CSHL1: variants seen among roughly 807,000 people sequenced by gnomAD.
CSHL1 encodes chorionic somatomammotropin hormone-like 1.
In CSHL1, 25 loss-of-function variants were observed where a neutral mutation model predicts 24.3. The observed-to-expected ratio is 1.03, with a 90% CI of 0.75 to 1.44. CSHL1 has a LOEUF of 1.44. Among genes scored for constraint, CSHL1 ranks in the 40% most tolerant of loss-of-function variants. The pLI is 0.00. For synonymous variants in CSHL1, 157 were observed against 115.6 expected (o/e 1.36, Z -2.30); for missense variants, 342 against 279.3 (o/e 1.22, Z -1.60).
intron 2 of CSHL1, 84 bp from the exon 3 acceptor site, chr17:63,910,619 C>T (rs780254610): frequency 6.2e-7 from 1 of 1,614,138 alleles, no homozygotes; most frequent in Non-Finnish European, 8.5e-7. Context: ...CTTCTGGGAA[C>T]CTGGCTCAGC....
rs112343242 is a variant in CSHL1 at position 63,910,429 on chromosome 17, C to T, written c.297G>A (p.Gln99=). The T allele has an allele frequency of 2.9e-4, 461 of 1,614,198 alleles. 2 individuals carry two copies. In the African/African-American group the frequency reaches 5.0e-3, roughly 18 times the overall value. ...IPTSSNMEET[Q]QKSNLELLHI... is the part of the protein sequence containing the mutation. The stretch of plus-strand genomic sequence containing the variant: ...GACAGCATCCACTCACGGATTTCTG[C>T]TGCGTTTCCTCCATGTTGGAGGATG... Residue 99 remains glutamine, a synonymous_variant, in exon 3 of 5, where the codon CAG becomes CAA. Transcript: ENST00000309894.
At chr17:63,910,984 G>A (rs1298960204) in intron 1 of CSHL1, 60 bp from the exon 2 acceptor site, 1 of 1,611,912 alleles carries the variant, frequency 6.2e-7, no homozygotes, top group African/African-American at 1.3e-5. Flanking sequence ...CACTCTCCCT[G>A]TTCCAGGAGC....
intron 4 of CSHL1, 65 bp downstream of exon 4, chr17:63,910,097 T>A: frequency 6.2e-7 from 1 of 1,614,116 alleles, no homozygotes; most frequent in South Asian, 1.1e-5. Flanking sequence ...GCAGCAGTGT[T>A]TCTCTCCCCC....
In CSHL1 at chr17:63,909,861, G is replaced by A. The variant is rs1349070743; in HGVS notation, c.519C>T (p.Thr173=). 1 of 1,613,984 alleles carries A rather than the reference G, an allele frequency of 6.2e-7. No individual in the cohort carries two copies. Among genetic ancestry groups the A allele is most frequent in the South Asian group, 1.1e-5 (1 of 91,074 alleles). ...GCGAGTTTGTGTCAAACTTGCTGTA[G>A]GTCTGCTTGAGGGTCTGCCCAGTCA... ...SHLTGQTLKQ[T]YSKFDTNSHN... The change falls in exon 5 of 5, where the codon ACC becomes ACT. Residue 173 remains threonine (T), a synonymous_variant. Transcript: ENST00000309894.
At position 63,910,282 on chromosome 17, in the gene CSHL1, C is replaced by T. The variant is rs1363946927; in HGVS notation, c.351G>A (p.Arg117=). 4 of 1,613,986 alleles carry T rather than the reference C, an allele frequency of 2.5e-6. No individual in the cohort carries two copies. The highest frequency in any genetic ancestry group is 1.3e-5 in the African/African-American group (1 of 74,904). ...LHISLLLIES[R]LEPVRFLRST... ...TCCTGAGGAACCGCACGGGCTCCAG[C>T]CGCGACTCGATGAGCAGCAGGGAGA... is the stretch of plus-strand genomic sequence containing the variant. Residue 117 remains arginine (R), a synonymous_variant, in exon 4 of 5, where the codon CGG becomes CGA. Coordinates refer to ENST00000309894, the MANE Select transcript of CSHL1 (RefSeq NM_022579.3).
Position 63,911,201 on chromosome 17 carries a change from G to A in CSHL1, c.-5C>T, listed in dbSNP as rs145058675. On this transcript the variant is annotated 5_prime_UTR_variant, in exon 1 of 5. Transcript: ENST00000309894. The stretch of plus-strand genomic sequence containing the variant: ...GGGGCGCTTACCTGCAGCCATTGCC[G>A]CTAGGTGAGCTGTCCACAGGACCCT... The A allele has an allele frequency of 1.9e-3, 3,113 of 1,613,502 alleles. 55 individuals are homozygous for A. In the African/African-American group the frequency reaches 0.035, roughly 18 times the overall value.
chr17:63,910,287 A>G lies in CSHL1; in HGVS notation c.346T>C (p.Ser116Pro). Reference sequence around the variant, plus strand: ...AGGAACCGCACGGGCTCCAGCCGCGACTCGATGAGCAGCAGGGAGATGTGG... The same window carrying G: ...AGGAACCGCACGGGCTCCAGCCGCGGCTCGATGAGCAGCAGGGAGATGTGG... ...LLHISLLLIE[S>P]RLEPVRFLRS... Residue 116 changes from serine to proline, a missense_variant, in exon 4 of 5, where the codon TCG becomes CCG. Coordinates refer to ENST00000309894, the MANE Select transcript of CSHL1 (RefSeq NM_022579.3). The G allele has an allele frequency of 6.2e-7, 1 of 1,613,980 alleles. No homozygotes were observed. The highest frequency in any genetic ancestry group is 1.1e-5 in the South Asian group (1 of 91,066).
rs756150980 is a variant in CSHL1, at chr17:63,910,219, G to A, written c.414C>T (p.Asp138=). Residue 138 remains aspartate, a synonymous_variant, in exon 4 of 5, where the codon GAC becomes GAT. Coordinates refer to ENST00000309894, the MANE Select transcript of CSHL1 (RefSeq NM_022579.3). ...CCTTTAGGAGGTGATAGTCATCGCT[G>A]TCCGAGGTGTCATACACCAGGTTGT... is the stretch of plus-strand genomic sequence containing the variant. The part of the protein sequence containing the change: ...FTNNLVYDTS[D]SDDYHLLKDL... 2 of 1,614,070 alleles carry A rather than the reference G, an allele frequency of 1.2e-6. No homozygotes were observed. Among genetic ancestry groups the A allele is most frequent in the Non-Finnish European group, 1.7e-6 (2 of 1,180,024 alleles).
In CSHL1 at chr17:63,909,818, G is replaced by A. The variant is rs369769197; in HGVS notation, c.562C>T (p.Leu188Phe). ...CAGTGGAGCAGCCCGTAGTTCTTGA[G>A]CAGTGCGTCATGGTTGTGCGAGTTT... ...DTNSHNHDAL[L>F]KNYGLLHCFR... Residue 188 changes from leucine to phenylalanine, a missense_variant, in exon 5 of 5, where the codon CTC becomes TTC. Leu to Phe is a conservative substitution (Grantham distance 22). Coordinates refer to ENST00000309894, the MANE Select transcript of CSHL1 (RefSeq NM_022579.3). The A allele has an allele frequency of 1.9e-6, 3 of 1,614,002 alleles. No homozygotes were observed. Among genetic ancestry groups the A allele is most frequent in the East Asian group, 2.2e-5 (1 of 44,880 alleles).
chr17:63,910,146 C>G lies in CSHL1; in HGVS notation c.471+16G>C, dbSNP rs781099532. The G allele has an allele frequency of 6.8e-6, 11 of 1,614,090 alleles. No homozygotes were observed. The Admixed American group carries it at 1.5e-4, about 22-fold the overall frequency. On this transcript the variant is annotated intron_variant, in intron 4 of 4. Transcript: ENST00000309894. ...AGTGGGCTTCCAGGATTGGGGACCC[C>G]TGGTGCCACCCTCACCCCCATCAGC...
Position 63,910,246 on chromosome 17 carries a change from G to A in CSHL1, c.387C>T (p.Thr129=). Reference sequence around the variant, plus strand: ...CCGAGGTGTCATACACCAGGTTGTTGGTGAAGGTACTCCTGAGGAACCGCA... The same window carrying A: ...CCGAGGTGTCATACACCAGGTTGTTAGTGAAGGTACTCCTGAGGAACCGCA... The part of the protein sequence containing the change: ...EPVRFLRSTF[T]NNLVYDTSDS... The change falls in exon 4 of 5, where the codon ACC becomes ACT. Residue 129 remains threonine (T), a synonymous_variant. Transcript: ENST00000309894. 1.2e-6 allele frequency: 2 copies of A among 1,614,110 alleles called. No homozygotes were observed. The highest frequency in any genetic ancestry group is 1.7e-6 in the Non-Finnish European group (2 of 1,180,000).
At chr17:63,911,061 G>T (rs1598389801) in intron 1 of CSHL1, 126 bp downstream of exon 1, 2 of 1,610,958 alleles carry the variant, frequency 1.2e-6, no homozygotes, top group South Asian at 2.2e-5. Flanking sequence ...CCAAATATCT[G>T]GCCTTAGATG....
At chr17:63,911,067 A>C (rs1906975370) in intron 1 of CSHL1, 120 bp downstream of exon 1, 8 of 1,611,278 alleles carry the variant, frequency 5.0e-6, no homozygotes, top group Non-Finnish European at 6.8e-6. Flanking sequence ...ATCTGGCCTT[A>C]GATGGCGATA....
In CSHL1 at chr17:63,910,842, G is replaced by A; in HGVS notation, c.93C>T (p.Pro31=). ...TAGCCTCTTTAAAAAGCCTGGATAAGGGAACGGTTTGGACGGCACCAGCCT... is the reference window on the plus strand; with the variant it reads ...TAGCCTCTTTAAAAAGCCTGGATAAAGGAACGGTTTGGACGGCACCAGCCT... The part of the protein sequence containing the change: ...LQEAGAVQTV[P]LSRLFKEAML... Residue 31 remains proline (P), a synonymous_variant, in exon 2 of 5, where the codon CCC becomes CCT. Transcript: ENST00000309894. 2 of 1,614,206 alleles carry A rather than the reference G, an allele frequency of 1.2e-6. No homozygotes were observed. Among genetic ancestry groups the A allele is most frequent in the Non-Finnish European group, 1.7e-6 (2 of 1,180,030 alleles).
Position 63,909,658 on chromosome 17 carries a change from C to G in CSHL1, c.*53G>C. The G allele has an allele frequency of 6.2e-7, 1 of 1,613,652 alleles. No individual in the cohort carries two copies. The highest frequency in any genetic ancestry group is 1.1e-5 in the South Asian group (1 of 91,068). Reference sequence around the variant, plus strand: ...AGGCTGGTGGGCACTGGAGTGGCACCTTCAGGGCCAGGAGAGGCACTGGGG... The same window carrying G: ...AGGCTGGTGGGCACTGGAGTGGCACGTTCAGGGCCAGGAGAGGCACTGGGG... On this transcript the variant is annotated 3_prime_UTR_variant, in exon 5 of 5. Transcript: ENST00000309894.
rs201461903 is a variant in CSHL1, at chr17:63,910,394, G to A, written c.306+26C>T. 525 of 1,614,126 alleles carry A rather than the reference G, an allele frequency of 3.3e-4. 2 individuals carry two copies. In the African/African-American group the frequency reaches 5.6e-3, roughly 17 times the overall value. The stretch of plus-strand genomic sequence containing the variant: ...CTGACCACAGGTCTCCCCCATCCCC[G>A]CCTAGGGGAGACAGCATCCACTCAC... On this transcript the variant is annotated intron_variant, in intron 3 of 4. Coordinates refer to ENST00000309894, the MANE Select transcript of CSHL1 (RefSeq NM_022579.3).
chr17:63,911,074 G>A (rs1906976262), intron 1 of CSHL1, 113 bp downstream of exon 1: 2 of 1,611,232 alleles, frequency 1.2e-6, no homozygotes, highest in Admixed American at 1.7e-5. Flanking sequence ...CTTAGATGGC[G>A]ATATTCACAT....
At position 63,911,180 on chromosome 17, in the gene CSHL1, C is replaced by T. The variant is rs375140771; in HGVS notation, c.10+7G>A. 82 of 1,613,764 alleles carry T rather than the reference C, an allele frequency of 5.1e-5. 1 individual carries two copies. In the African/African-American group the frequency reaches 5.5e-4, roughly 11 times the overall value. On this transcript the variant is annotated splice_region_variant and intron_variant, in intron 1 of 4. Transcript: ENST00000309894. ...GTTGTGCCCAAAGGGATTTTAGGGG[C>T]GCTTACCTGCAGCCATTGCCGCTAG...
At position 63,910,163 on chromosome 17, in the gene CSHL1, C is replaced by G. The variant is rs745653399; in HGVS notation, c.470G>C (p.Gly157Ala). 1 of 1,614,198 alleles carries G rather than the reference C, an allele frequency of 6.2e-7. No homozygotes were observed. Among genetic ancestry groups the G allele is most frequent in the Admixed American group, 1.7e-5 (1 of 60,032 alleles). The change falls in exon 4 of 5, where the codon GGG becomes GCG. Residue 157 changes from glycine (G) to alanine (A), a missense_variant and splice_region_variant. Coordinates refer to ENST00000309894, the MANE Select transcript of CSHL1 (RefSeq NM_022579.3). Reference protein sequence around the residue: ...DLEEGIQMLMGRLEDGSHLTG... With the variant: ...DLEEGIQMLMARLEDGSHLTG... ...GGGGACCCCTGGTGCCACCCTCACC[C>G]CCATCAGCATTTGGATGCCTTCCTC... is the stretch of plus-strand genomic sequence containing the variant.
Sources: allele counts gnomAD v4.1 joint callset, GRCh38; gene constraint gnomAD v4.1.1; transcripts MANE v1.5; gene names NCBI Gene and HGNC (gene_info 2026-07-23, HGNC 2026-07-21).